The following ZNF121 variants were observed in gnomAD, a reference collection of about 807,000 sequenced individuals.
ZNF121 encodes the protein zinc finger protein 121.
Under a neutral mutation model 2.4 loss-of-function variants are expected in ZNF121, and 1 was observed. The observed-to-expected ratio is 0.41, with a 90% CI of 0.15 to 1.94. The LOEUF is 1.94. Among genes scored for constraint, ZNF121 ranks in the 30% most tolerant of loss-of-function variants. ZNF121 has a pLI of 0.30. For missense variants in ZNF121, 369 were observed against 466.3 expected (o/e 0.79, Z 1.92); for synonymous variants, 173 against 158.6 (o/e 1.09, Z -0.68).
At chr19:9,572,013 C>T (rs987207960) in intron 1 of ZNF121, among the ~76,000 whole-genome samples, 1 of 152,312 alleles carries the variant, frequency 6.6e-6, no homozygotes, top group Middle Eastern at 3.4e-3. Context: ...AATCCTCCCA[C>T]GTCAGCCTCC....
chr19:9,561,504 T>C lies in ZNF121; in HGVS notation c.*4436A>G, dbSNP rs1182380983. 6.6e-6 allele frequency: 1 copy of C among 152,220 alleles called. No individual in the cohort carries two copies. The highest frequency in any genetic ancestry group is 6.5e-5 in the Admixed American group (1 of 15,278). 9.4% of individuals were successfully genotyped at this position (152,220 alleles called of 1,614,324 possible). A position where few individuals can be genotyped will look rare whatever the true frequency, so the allele number is the denominator to read the frequency against. ...ATTAAGAATTTATGATACATGCTCC[T>C]ACAAGTAAATGGGTAAATAAATGAA... On this transcript the variant is annotated 3_prime_UTR_variant, in exon 4 of 4. Transcript: ENST00000320451.
At chr19:9,574,454 C>G (rs977104282) in intron 1 of ZNF121, among the ~76,000 whole-genome samples, 1 of 152,036 alleles carries the variant, frequency 6.6e-6, no homozygotes, top group Admixed American at 6.6e-5. Flanking sequence ...GCGCCCGGCC[C>G]TAGCAAGGCC....
At position 9,561,252 on chromosome 19, in the gene ZNF121, T is replaced by C. The variant is rs2074099177; in HGVS notation, c.*4688A>G. On this transcript the variant is annotated 3_prime_UTR_variant, in exon 4 of 4. Transcript: ENST00000320451. ...TAGGAACACCTCCCTACACAGAGAC[T>C]GCAGCTTCTAAATAGTATTCTCCAT... 6.6e-6 allele frequency: 1 copy of C among 152,236 alleles called. No homozygotes were observed. Among genetic ancestry groups the C allele is most frequent in the Non-Finnish European group, 1.5e-5 (1 of 68,028 alleles). 9.4% of individuals were successfully genotyped at this position (152,236 alleles called of 1,614,324 possible). A position where few individuals can be genotyped will look rare whatever the true frequency, so the allele number is the denominator to read the frequency against.
chr19:9,578,620 G>C (rs1286751340), intron 1 of ZNF121, among the ~76,000 whole-genome samples: 1 of 152,154 alleles, frequency 6.6e-6, no homozygotes, highest in Non-Finnish European at 1.5e-5. Context: ...TCTTCAATAA[G>C]TGCTGCTGGG....
In ZNF121 at chr19:9,566,825, G is replaced by A. The variant is rs771028299; in HGVS notation, c.288C>T (p.Ala96=). ...KSFEYSDCEE[A]FVDQSHLQAN... is the part of the protein sequence containing the mutation. ...CCTGAAGATGTGACTGATCAACAAA[G>A]GCTTCCTCACAGTCACTGTATTCAA... Residue 96 remains alanine (A), a synonymous_variant, in exon 4 of 4, where the codon GCC becomes GCT. Coordinates refer to ENST00000320451, the MANE Select transcript of ZNF121 (RefSeq NM_001008727.5). 5.0e-6 allele frequency: 8 copies of A among 1,614,062 alleles called. No individual in the cohort carries two copies. In the Admixed American group the frequency reaches 6.7e-5, roughly 13 times the overall value.
At chr19:9,580,475 A>G (rs1454427349) in intron 1 of ZNF121, among the ~76,000 whole-genome samples, 1 of 144,984 alleles carries the variant, frequency 6.9e-6, no homozygotes, top group Non-Finnish European at 1.5e-5. Flanking sequence ...GTGATCCAGC[A>G]AGACTCAAAA....
chr19:9,561,467 T>A lies in ZNF121; in HGVS notation c.*4473A>T, dbSNP rs1392344174. 1 of 152,182 alleles carries A rather than the reference T, an allele frequency of 6.6e-6. No homozygotes were observed. Among genetic ancestry groups the A allele is most frequent in the Non-Finnish European group, 1.5e-5 (1 of 68,042 alleles). The allele number at this position is 152,182 out of a possible 1,614,324, so 9.4% of individuals were successfully genotyped here. A position where few individuals can be genotyped will look rare whatever the true frequency, so the allele number is the denominator to read the frequency against. On this transcript the variant is annotated 3_prime_UTR_variant, in exon 4 of 4. Coordinates refer to ENST00000320451, the MANE Select transcript of ZNF121 (RefSeq NM_001008727.5). ...GTGCATCAAATTTACAGTAGCTAAC[T>A]ACACCCCATAGATTAAGAATTTATG... is the stretch of plus-strand genomic sequence containing the variant.
In ZNF121 at chr19:9,577,323, G is replaced by A. The variant is rs146171983; in HGVS notation, c.-160+7138C>T. Among the ~76,000 whole-genome samples, 617 of 152,084 alleles carry A rather than the reference G, an allele frequency of 4.1e-3. 5 individuals carry two copies. The Middle Eastern group carries it at 0.041, about 10-fold the overall frequency. Reference sequence around the variant, plus strand: ...GTTAGCTGGGAGTGGAGGCATGTGCGCCTGTAGTCCCTGCTACTAAGGAGG... The same window carrying A: ...GTTAGCTGGGAGTGGAGGCATGTGCACCTGTAGTCCCTGCTACTAAGGAGG... On this transcript the variant is annotated intron_variant, in intron 1 of 3. Coordinates refer to ENST00000320451, the MANE Select transcript of ZNF121 (RefSeq NM_001008727.5).
At chr19:9,567,186 A>G (rs923155823) in intron 3 of ZNF121, 77 bp from the exon 4 acceptor site, 3 of 1,309,896 alleles carry the variant, frequency 2.3e-6, no homozygotes, top group Non-Finnish European at 3.1e-6. Context: ...GAAATCAGAC[A>G]GTTTATTATG....
At chr19:9,571,849 G>A (rs893869521) in intron 1 of ZNF121, among the ~76,000 whole-genome samples, 4 of 152,038 alleles carry the variant, frequency 2.6e-5, no homozygotes, top group Admixed American at 1.3e-4. Context: ...TCAAACTCCC[G>A]GGCTCAAGCA....
chr19:9,570,025 C>T (rs150649509), intron 1 of ZNF121, among the ~76,000 whole-genome samples: 17 of 151,672 alleles, frequency 1.1e-4, no homozygotes, highest in African/African-American at 3.4e-4. Context: ...CAACCTCTGC[C>T]GCCGCCCACC....
In ZNF121 at chr19:9,561,897, A is replaced by G. The variant is rs1174622845; in HGVS notation, c.*4043T>C. The G allele has an allele frequency of 9.6e-6, 1 of 104,056 alleles. No homozygotes were observed. The highest frequency in any genetic ancestry group is 4.8e-5 in the African/African-American group (1 of 20,732). 6.4% of individuals were successfully genotyped at this position (104,056 alleles called of 1,614,324 possible). ...CAAGACCCCAATGCAGACCAAAAAG[A>G]AAAAAAAAAAAAAGGAAAAGAAAAC... On this transcript the variant is annotated 3_prime_UTR_variant, in exon 4 of 4. Coordinates refer to ENST00000320451, the MANE Select transcript of ZNF121 (RefSeq NM_001008727.5).
chr19:9,568,589 G>A (rs1475528690), intron 2 of ZNF121, among the ~76,000 whole-genome samples: 1 of 151,972 alleles, frequency 6.6e-6, no homozygotes, highest in African/African-American at 2.4e-5. Context: ...TGGCCAGGCT[G>A]GTCTCAACTC....
intron 1 of ZNF121, among the ~76,000 whole-genome samples, chr19:9,583,280 G>A (rs1016783281): frequency 6.6e-6 from 1 of 150,806 alleles, no homozygotes; most frequent in Non-Finnish European, 1.5e-5. Flanking sequence ...TCTGTGGGGG[G>A]GTACAGACCT....
At chr19:9,581,328 C>A (rs1264909543) in intron 1 of ZNF121, among the ~76,000 whole-genome samples, 1 of 152,082 alleles carries the variant, frequency 6.6e-6, no homozygotes, top group African/African-American at 2.4e-5. Flanking sequence ...TCCCTATTGG[C>A]CGGGGTCAGG....
rs182001375 is a variant in ZNF121, at chr19:9,578,904, T to C, written c.-160+5557A>G. On this transcript the variant is annotated intron_variant, in intron 1 of 3. Transcript: ENST00000320451. Reference sequence around the variant, plus strand: ...CAAACTGAAGAGACAATCTAGAGTATGGGAAAAAAATATTTACAAACTATC... The same window carrying C: ...CAAACTGAAGAGACAATCTAGAGTACGGGAAAAAAATATTTACAAACTATC... Among the ~76,000 whole-genome samples the C allele has an allele frequency of 2.2e-5, 3 of 135,816 alleles. No individual in the cohort carries two copies. In the East Asian group the frequency reaches 6.1e-4, roughly 27 times the overall value. 89.1% of individuals were successfully genotyped at this position (135,816 alleles called of 152,430 possible). A position where few individuals can be genotyped will look rare whatever the true frequency, so the allele number is the denominator to read the frequency against.
chr19:9,573,328 A>G (rs1264523161), intron 1 of ZNF121, among the ~76,000 whole-genome samples: 1 of 152,204 alleles, frequency 6.6e-6, no homozygotes, highest in Non-Finnish European at 1.5e-5. Flanking sequence ...TATTAACAAC[A>G]ACAAAAAAGA....
At chr19:9,569,307 G>A (rs537325551) in intron 1 of ZNF121, among the ~76,000 whole-genome samples, 63 of 152,060 alleles carry the variant, frequency 4.1e-4, no homozygotes, top group African/African-American at 1.2e-3. Flanking sequence ...AAGACTGGGC[G>A]CAGTGGCTCA....
In ZNF121 at chr19:9,561,357, A is replaced by G. The variant is rs2074099626; in HGVS notation, c.*4583T>C. The G allele has an allele frequency of 6.6e-6, 1 of 152,240 alleles. No homozygotes were observed. Among genetic ancestry groups the G allele is most frequent in the Non-Finnish European group, 1.5e-5 (1 of 68,042 alleles). 9.4% of individuals were successfully genotyped at this position (152,240 alleles called of 1,614,324 possible). A position where few individuals can be genotyped will look rare whatever the true frequency, so the allele number is the denominator to read the frequency against. On this transcript the variant is annotated 3_prime_UTR_variant, in exon 4 of 4. Coordinates refer to ENST00000320451, the MANE Select transcript of ZNF121 (RefSeq NM_001008727.5). ...AAACTGTTGCCCAGAAAATAATTAT[A>G]TACCCATGAAATAAGGAGAATACAT...
Sources: gnomAD v4.1 joint callset for allele counts (sites outside exome capture counted in the v4.1 genomes callset) on GRCh38, gnomAD v4.1.1 for gene constraint, MANE v1.5 for transcripts, NCBI Gene and HGNC (gene_info 2026-07-23, HGNC 2026-07-21) for gene names.